The following ANO2 variants were observed in gnomAD, a reference collection of about 807,000 sequenced individuals.
ANO2 encodes the protein anoctamin-2.
ANO2 carries 101 observed loss-of-function variants against 124.2 expected under a neutral mutation model. That is an observed-to-expected ratio of 0.81 (90% CI 0.69 to 0.96). The LOEUF (loss-of-function observed/expected upper bound fraction) is 0.96, where lower values mean the gene tolerates loss of function less well. Ranked by LOEUF, ANO2 falls within the 40% of genes least tolerant of loss-of-function variation. The probability of loss-of-function intolerance (pLI) is 0.00; values close to 1 mark genes in which losing one functional copy is unlikely to be tolerated. For missense variants in ANO2, 1,293 were observed against 1,274.5 expected (o/e 1.01, Z -0.22); for synonymous variants, 486 against 482.5 (o/e 1.01, Z -0.09).
In ANO2 at chr12:5,824,338, G is replaced by A. The variant is rs191956418; in HGVS notation, c.892+3431C>T. On this transcript the variant is annotated intron_variant, in intron 7 of 24. Coordinates refer to ENST00000682330, the MANE Select transcript of ANO2 (RefSeq NM_001364791.2). ...GAATGCTTTTAACAGCACCCAAGTC[G>A]CCTCTTGAATGCTTTGCTGCTTAGA... Among the ~76,000 whole-genome samples the A allele has an allele frequency of 6.9e-4, 105 of 152,230 alleles. 1 individual carries two copies. The East Asian group carries it at 0.015, about 22-fold the overall frequency.
intron 3 of ANO2, among the ~76,000 whole-genome samples, chr12:5,880,136 T>C: frequency 6.6e-6 from 1 of 152,114 alleles, no homozygotes; most frequent in Non-Finnish European, 1.5e-5. Flanking sequence ...TCTGTTGTAG[T>C]TGACAGGGAG....
chr12:5,674,279 T>C (rs1308639959), intron 14 of ANO2, among the ~76,000 whole-genome samples: 3 of 152,152 alleles, frequency 2.0e-5, no homozygotes, highest in Non-Finnish European at 4.4e-5. Context: ...CATGGGATGG[T>C]AACTTCCTAC....
intron 15 of ANO2, among the ~76,000 whole-genome samples, chr12:5,638,118 G>T (rs1946116908): frequency 1.3e-5 from 2 of 152,182 alleles, no homozygotes; most frequent in South Asian, 4.1e-4. Flanking sequence ...CCAAGGTCTG[G>T]AGGGTATACG....
intron 15 of ANO2, among the ~76,000 whole-genome samples, chr12:5,641,409 C>CT (rs1004079569): frequency 6.3e-5 from 9 of 142,592 alleles, no homozygotes; most frequent in Admixed American, 3.5e-4. Context: ...GAAAACTGGG[C>CT]TTTTTTTTAA....
chr12:5,736,807 G>A (rs545131200), intron 13 of ANO2, among the ~76,000 whole-genome samples: 1 of 152,130 alleles, frequency 6.6e-6, no homozygotes. Flanking sequence ...AAGATATCTT[G>A]TTGTTGCCTC....
At chr12:5,874,092 T>G (rs1459014975) in intron 3 of ANO2, among the ~76,000 whole-genome samples, 1 of 152,166 alleles carries the variant, frequency 6.6e-6, no homozygotes, top group African/African-American at 2.4e-5. Context: ...AGACACAGAC[T>G]TTGCCCTCAA....
intron 4 of ANO2, among the ~76,000 whole-genome samples, chr12:5,833,275 GT>G (rs780392536): frequency 3.3e-5 from 5 of 152,004 alleles, no homozygotes; most frequent in Admixed American, 6.6e-5. Flanking sequence ...AGTGCATACT[GT>G]TTTTTTTATA....
intron 24 of ANO2, among the ~76,000 whole-genome samples, chr12:5,565,078 C>T (rs1282554321): frequency 1.3e-5 from 2 of 151,970 alleles, no homozygotes; most frequent in Non-Finnish European, 2.9e-5. Flanking sequence ...AGGGATGGCT[C>T]GATGGCTCTG....
intron 13 of ANO2, among the ~76,000 whole-genome samples, chr12:5,738,972 G>A (rs1318933705): frequency 1.1e-4 from 16 of 152,148 alleles, no homozygotes; most frequent in Non-Finnish European, 2.2e-4. Context: ...AGGGCATTCT[G>A]ACATATCCCT....
rs999260601 is a variant in ANO2, at chr12:5,908,798, G to A, written c.534+12242C>T. On this transcript the variant is annotated intron_variant, in intron 3 of 24. Coordinates refer to ENST00000682330, the MANE Select transcript of ANO2 (RefSeq NM_001364791.2). This position sits in a 1 kb window ranked among gnomAD's most constrained non-coding sequence, Gnocchi z 4.7. ...TCCTTTTGCTTCCATTGTAACTGTC[G>A]CTTTGTTTTCCCTTACAATTGTGTG... Among the ~76,000 whole-genome samples, 13 of 152,150 alleles carry A rather than the reference G, an allele frequency of 8.5e-5. No individual in the cohort carries two copies. The highest frequency in any genetic ancestry group is 1.8e-4 in the Non-Finnish European group (12 of 68,032).
chr12:5,617,927 A>G (rs1944912232), intron 16 of ANO2, among the ~76,000 whole-genome samples: 1 of 152,170 alleles, frequency 6.6e-6, no homozygotes. Context: ...TCCTCAGTCC[A>G]TGTGTTTGGA....
intron 2 of ANO2, 134 bp downstream of exon 2, chr12:5,922,486 C>A: frequency 4.0e-6 from 4 of 1,011,042 alleles, no homozygotes; most frequent in Non-Finnish European, 4.1e-6. Context: ...GAGAAAAGGC[C>A]CTACCCAAAC....
chr12:5,649,985 G>A (rs959142271), intron 14 of ANO2, among the ~76,000 whole-genome samples: 5 of 152,166 alleles, frequency 3.3e-5, no homozygotes, highest in African/African-American at 1.2e-4. Flanking sequence ...TCTTTAAGCT[G>A]TTGACAAGGA....
chr12:5,578,531 A>G lies in ANO2; in HGVS notation c.2234-13T>C. 1 of 1,610,540 alleles carries G rather than the reference A, an allele frequency of 6.2e-7. No individual in the cohort carries two copies. Among genetic ancestry groups the G allele is most frequent in the South Asian group, 1.1e-5 (1 of 90,294 alleles). On this transcript the variant is annotated splice_polypyrimidine_tract_variant and intron_variant, in intron 20 of 24. Transcript: ENST00000682330. ...CCAAACTGGATGACTGCGAGAGAGC[A>G]CAGCATGAGGGCTTCAGCAGGAACA...
intron 3 of ANO2, among the ~76,000 whole-genome samples, chr12:5,880,077 G>GT (rs1293437134): frequency 1.3e-5 from 2 of 152,194 alleles, no homozygotes; most frequent in Non-Finnish European, 2.9e-5. Context: ...ACATGACCTG[G>GT]TGTCCACCAG....
At chr12:5,583,734 T>C (rs1197352072) in intron 20 of ANO2, 1 of 156,470 alleles carries the variant, frequency 6.4e-6, no homozygotes, top group African/African-American at 2.4e-5. Flanking sequence ...AAGTTGAATA[T>C]TGGGGGCTTA....
At chr12:5,852,234 T>C (rs1282368421) in intron 4 of ANO2, among the ~76,000 whole-genome samples, 3 of 152,030 alleles carry the variant, frequency 2.0e-5, no homozygotes, top group Non-Finnish European at 2.9e-5. Flanking sequence ...AAAACAAAGA[T>C]GGCACCCGCA....
At chr12:5,646,820 C>T (rs371022499) in intron 15 of ANO2, among the ~76,000 whole-genome samples, 1 of 152,178 alleles carries the variant, frequency 6.6e-6, no homozygotes, top group African/African-American at 2.4e-5. Context: ...TCTAAGTTTC[C>T]TTCACCTTTT....
intron 15 of ANO2, among the ~76,000 whole-genome samples, chr12:5,639,083 C>A (rs552439579): frequency 2.6e-5 from 4 of 152,120 alleles, no homozygotes; most frequent in East Asian, 1.9e-4. Context: ...AGAGAAAACT[C>A]CACAGAAAAA....
Sources: allele counts gnomAD v4.1 joint callset (sites outside exome capture counted in the v4.1 genomes callset), GRCh38; gene constraint gnomAD v4.1.1; non-coding constraint Gnocchi (gnomAD v3.1); transcripts MANE v1.5; gene names NCBI Gene and HGNC (gene_info 2026-07-23, HGNC 2026-07-21).